Variants in CLIC4 observed in about 807,000 individuals in gnomAD.
CLIC4 encodes chloride intracellular channel protein 4.
CLIC4 carries 13 observed loss-of-function variants against 24.6 expected under a neutral mutation model. The observed-to-expected ratio is 0.53, with a 90% CI of 0.34 to 0.84. The LOEUF (loss-of-function observed/expected upper bound fraction) is 0.84. CLIC4 is among the 40% of genes least tolerant of loss of function. The pLI is 0.01. For synonymous variants in CLIC4, 104 were observed against 111.3 expected (o/e 0.93, Z 0.41); for missense variants, 227 against 301.7 (o/e 0.75, Z 1.83).
At chr1:24,750,436 C>CTT (rs368673049) in intron 1 of CLIC4, among the ~76,000 whole-genome samples, 3 of 137,508 alleles carry the variant, frequency 2.2e-5, no homozygotes, top group Non-Finnish European at 4.8e-5. Context: ...TTCTTTCTTT[C>CTT]TTTTTTTTTT....
intron 2 of CLIC4, among the ~76,000 whole-genome samples, chr1:24,812,395 G>T (rs1326559087): frequency 2.6e-5 from 4 of 152,068 alleles, no homozygotes; most frequent in Non-Finnish European, 5.9e-5. Flanking sequence ...TGAAGTTGAA[G>T]ATGACTGCAG....
chr1:24,747,887 T>A lies in CLIC4; in HGVS notation c.72+2262T>A, dbSNP rs189991882. Reference sequence around the variant, plus strand: ...CTGTCTCTACTAAAAATAGAAAAATTAGCCAGGCATGGTGGTGGGCCCAGC... The same window carrying A: ...CTGTCTCTACTAAAAATAGAAAAATAAGCCAGGCATGGTGGTGGGCCCAGC... On this transcript the variant is annotated intron_variant, in intron 1 of 5. Coordinates refer to ENST00000374379, the MANE Select transcript of CLIC4 (RefSeq NM_013943.3). 1.1e-3 allele frequency among the ~76,000 whole-genome samples: 174 copies of A among 151,910 alleles called. 1 individual carries two copies. Among genetic ancestry groups the A allele is most frequent in the Middle Eastern group, 3.4e-3 (1 of 294 alleles).
chr1:24,808,431 A>G (rs1639576217), intron 2 of CLIC4, among the ~76,000 whole-genome samples: 1 of 152,160 alleles, frequency 6.6e-6, no homozygotes, highest in Non-Finnish European at 1.5e-5. Context: ...ATGCTATGTA[A>G]GTTGTCATTA....
chr1:24,799,754 G>A (rs1639457450), intron 2 of CLIC4, among the ~76,000 whole-genome samples: 2 of 129,242 alleles, frequency 1.5e-5, no homozygotes, highest in South Asian at 5.2e-4. Context: ...AGGTGGGGGG[G>A]TCAGCCCCCT....
At chr1:24,835,154 T>C (rs1006062191) in intron 4 of CLIC4, among the ~76,000 whole-genome samples, 23 of 152,264 alleles carry the variant, frequency 1.5e-4, no homozygotes, top group Non-Finnish European at 2.8e-4. Context: ...GCTAACTTGA[T>C]CATTGGCTAT....
chr1:24,758,278 A>G (rs539589658), intron 1 of CLIC4, among the ~76,000 whole-genome samples: 111 of 151,936 alleles, frequency 7.3e-4, no homozygotes, highest in African/African-American at 2.7e-3. Context: ...CCCCTTGACT[A>G]GAGATAGTTG....
chr1:24,828,028 GAGA>G (rs922692887), intron 4 of CLIC4, among the ~76,000 whole-genome samples: 6 of 152,156 alleles, frequency 3.9e-5, no homozygotes, highest in Non-Finnish European at 7.4e-5. Flanking sequence ...GGATTCTTTT[GAGA>G]AGAAGTTTAT....
At chr1:24,785,854 C>CACAAAAAA (rs1639259740) in intron 1 of CLIC4, among the ~76,000 whole-genome samples, 1 of 58,852 alleles carries the variant, frequency 1.7e-5, no homozygotes, top group African/African-American at 8.0e-5. Context: ...GACTACAACT[C>CACAAAAAA]AAAAAAAAAA....
intron 3 of CLIC4, among the ~76,000 whole-genome samples, chr1:24,815,964 A>G (rs1405578019): frequency 1.3e-5 from 2 of 152,172 alleles, no homozygotes; most frequent in Non-Finnish European, 2.9e-5. Flanking sequence ...CTAGGTATAC[A>G]TTCTATCTCA....
intron 1 of CLIC4, among the ~76,000 whole-genome samples, chr1:24,785,209 C>A (rs1179924713): frequency 6.6e-6 from 1 of 151,174 alleles, no homozygotes; most frequent in East Asian, 1.9e-4. Flanking sequence ...TCTAGGGATT[C>A]TAACCACTAA....
At chr1:24,746,726 G>T (rs1036752222) in intron 1 of CLIC4, among the ~76,000 whole-genome samples, 9 of 152,196 alleles carry the variant, frequency 5.9e-5, no homozygotes, top group African/African-American at 2.2e-4. Flanking sequence ...AGATAGAGAA[G>T]GGCTGGGCGC....
chr1:24,802,145 A>G (rs907709452), intron 2 of CLIC4, among the ~76,000 whole-genome samples: 2 of 152,226 alleles, frequency 1.3e-5, no homozygotes, highest in Non-Finnish European at 2.9e-5. Context: ...CTGTCATTGA[A>G]TAGTTTAATA....
At chr1:24,821,907 T>G (rs1639738769) in intron 3 of CLIC4, among the ~76,000 whole-genome samples, 1 of 152,148 alleles carries the variant, frequency 6.6e-6, no homozygotes, top group Non-Finnish European at 1.5e-5. Flanking sequence ...TTGATGCTGC[T>G]TATCCCTCTG....
intron 2 of CLIC4, among the ~76,000 whole-genome samples, chr1:24,811,977 C>T (rs1639619738): frequency 6.6e-6 from 1 of 152,216 alleles, no homozygotes; most frequent in Non-Finnish European, 1.5e-5. Flanking sequence ...ATAACAGTTT[C>T]ACCATCTTTA....
chr1:24,761,004 G>C (rs941133964), intron 1 of CLIC4, among the ~76,000 whole-genome samples: 13 of 152,082 alleles, frequency 8.5e-5, no homozygotes, highest in African/African-American at 3.1e-4. Context: ...CTTGGAATAA[G>C]GTGGGAAGTT....
intron 1 of CLIC4, among the ~76,000 whole-genome samples, chr1:24,753,581 A>G (rs1181340644): frequency 6.6e-6 from 1 of 152,204 alleles, no homozygotes; most frequent in Admixed American, 6.5e-5. Context: ...GCAGGAAACA[A>G]TTGGTAGATT....
chr1:24,755,294 C>G lies in CLIC4; in HGVS notation c.72+9669C>G, dbSNP rs1312095778. Among the ~76,000 whole-genome samples the G allele has an allele frequency of 2.0e-5, 3 of 151,052 alleles. 1 individual carries two copies. Among genetic ancestry groups the G allele is most frequent in the African/African-American group, 7.3e-5 (3 of 41,192 alleles). On this transcript the variant is annotated intron_variant, in intron 1 of 5. Transcript: ENST00000374379. Reference sequence around the variant, plus strand: ...TCTCTACTAAAAATACAAAAATTAGCTAGGCATGATGGTGCACGCCTGTAA... The same window carrying G: ...TCTCTACTAAAAATACAAAAATTAGGTAGGCATGATGGTGCACGCCTGTAA...
intron 2 of CLIC4, among the ~76,000 whole-genome samples, chr1:24,805,769 G>C (rs1639543941): frequency 6.6e-6 from 1 of 152,170 alleles, no homozygotes; most frequent in South Asian, 2.1e-4. Flanking sequence ...CACCAGCCCA[G>C]CTTCCTCCAA....
intron 2 of CLIC4, among the ~76,000 whole-genome samples, chr1:24,806,332 C>G (rs1217365624): frequency 6.6e-6 from 1 of 152,200 alleles, no homozygotes; most frequent in African/African-American, 2.4e-5. Context: ...TTTGTTGATA[C>G]ATAGCTTGTG....
Sources: gnomAD v4.1 joint callset for allele counts (sites outside exome capture counted in the v4.1 genomes callset) on GRCh38, gnomAD v4.1.1 for gene constraint, MANE v1.5 for transcripts, NCBI Gene and HGNC (gene_info 2026-07-23, HGNC 2026-07-21) for gene names.